The following SPOCK3 variants were observed in gnomAD, a reference collection of about 807,000 sequenced individuals.
The protein encoded by SPOCK3 is SPARC (osteonectin), cwcv and kazal like domains proteoglycan 3.
A neutral mutation model predicts 56.6 loss-of-function variants in SPOCK3; 30 were observed. The observed-to-expected ratio is 0.53, with a 90% confidence interval of 0.40 to 0.72. SPOCK3 has a LOEUF of 0.72. SPOCK3 is among the 30% of genes least tolerant of loss of function. The pLI is 0.00. For missense variants in SPOCK3, 527 were observed against 530.0 expected (o/e 0.99, Z 0.06); for synonymous variants, 196 against 183.3 (o/e 1.07, Z -0.56).
intron 5 of SPOCK3, 88 bp from the exon 6 acceptor site, chr4:166,889,332 T>A (rs186903935): frequency 1.3e-6 from 1 of 794,422 alleles, no homozygotes; most frequent in African/African-American, 1.8e-5. Flanking sequence ...AGGTAATTTT[T>A]GATGCATATA....
At chr4:167,113,918 G>A (rs1485328224) in intron 2 of SPOCK3, among the ~76,000 whole-genome samples, 2 of 152,130 alleles carry the variant, frequency 1.3e-5, no homozygotes, top group East Asian at 3.9e-4. Context: ...ATTCAGGAAG[G>A]GAGTGTGGCT....
intron 6 of SPOCK3, among the ~76,000 whole-genome samples, chr4:166,878,913 A>G (rs1299569000): frequency 6.6e-6 from 1 of 152,196 alleles, no homozygotes; most frequent in Non-Finnish European, 1.5e-5. Context: ...CTTTGTGAGG[A>G]CTAGATGAAA....
intron 3 of SPOCK3, among the ~76,000 whole-genome samples, chr4:167,052,869 T>A (rs1179150219): frequency 6.6e-6 from 1 of 152,178 alleles, no homozygotes; most frequent in South Asian, 2.1e-4. Flanking sequence ...TTAAGAAGTG[T>A]AATAATAGTG....
At chr4:166,867,283 G>C in intron 6 of SPOCK3, among the ~76,000 whole-genome samples, 1 of 151,794 alleles carries the variant, frequency 6.6e-6, no homozygotes, top group Admixed American at 6.6e-5. Flanking sequence ...ATAATTTCTC[G>C]GATAAAGTGA....
chr4:166,892,293 T>C (rs546687149), intron 5 of SPOCK3, among the ~76,000 whole-genome samples: 3 of 152,068 alleles, frequency 2.0e-5, no homozygotes, highest in African/African-American at 7.2e-5. Context: ...TTACTTTATA[T>C]GTGAAATGAT....
At chr4:166,904,498 T>A (rs1161738619) in intron 5 of SPOCK3, among the ~76,000 whole-genome samples, 2 of 152,064 alleles carry the variant, frequency 1.3e-5, no homozygotes, top group Non-Finnish European at 2.9e-5. Flanking sequence ...ACCTAGAAAC[T>A]TTTTGAGTAA....
At chr4:166,995,118 T>C (rs548225769) in intron 4 of SPOCK3, among the ~76,000 whole-genome samples, 18 of 152,156 alleles carry the variant, frequency 1.2e-4, no homozygotes, top group Middle Eastern at 6.8e-3. Flanking sequence ...AGTCTACCAA[T>C]TGAATAAATT....
At chr4:166,773,060 G>T (rs1184617187) in intron 7 of SPOCK3, among the ~76,000 whole-genome samples, 1 of 152,114 alleles carries the variant, frequency 6.6e-6, no homozygotes, top group Admixed American at 6.6e-5. Flanking sequence ...CCAAAGTGCT[G>T]GGACTACAGT....
intron 2 of SPOCK3, among the ~76,000 whole-genome samples, chr4:167,118,169 T>C (rs761544428): frequency 1.2e-4 from 18 of 152,134 alleles, no homozygotes; most frequent in Non-Finnish European, 2.4e-4. Context: ...CAATAATGTA[T>C]TGAATGTGAT....
chr4:166,869,001 A>G (rs1347266982), intron 6 of SPOCK3, among the ~76,000 whole-genome samples: 1 of 152,168 alleles, frequency 6.6e-6, no homozygotes, highest in Non-Finnish European at 1.5e-5. Context: ...TGCTAAGAAA[A>G]TCAATTAAAA....
intron 2 of SPOCK3, among the ~76,000 whole-genome samples, chr4:167,160,700 C>T (rs546997790): frequency 1.2e-4 from 19 of 152,114 alleles, no homozygotes; most frequent in African/African-American, 1.2e-4. Context: ...GAGATATAGA[C>T]CAATGGAACA....
intron 2 of SPOCK3, among the ~76,000 whole-genome samples, chr4:167,220,788 GC>G (rs1735835506): frequency 6.6e-6 from 1 of 152,066 alleles, no homozygotes; most frequent in Non-Finnish European, 1.5e-5. Context: ...ATATGCTGTT[GC>G]CAAATATAGT....
intron 3 of SPOCK3, among the ~76,000 whole-genome samples, chr4:167,042,790 A>G (rs927155423): frequency 6.6e-6 from 1 of 152,248 alleles, no homozygotes; most frequent in Admixed American, 6.5e-5. Context: ...AGAATAATCA[A>G]CCAAGTTTAC....
At chr4:167,157,925 A>C (rs1289508911) in intron 2 of SPOCK3, among the ~76,000 whole-genome samples, 2 of 151,988 alleles carry the variant, frequency 1.3e-5, no homozygotes, top group Non-Finnish European at 2.9e-5. Flanking sequence ...CCTATATGCA[A>C]GTCATTGTGG....
intron 2 of SPOCK3, among the ~76,000 whole-genome samples, chr4:167,120,069 C>T (rs1761741798): frequency 6.6e-6 from 1 of 151,964 alleles, no homozygotes; most frequent in Non-Finnish European, 1.5e-5. Context: ...GGGTCATAAA[C>T]AATGTACACA....
At chr4:166,936,501 G>A (rs1740422540) in intron 4 of SPOCK3, among the ~76,000 whole-genome samples, 1 of 151,958 alleles carries the variant, frequency 6.6e-6, no homozygotes. Flanking sequence ...ATCTATTACA[G>A]CAAAGTGGTT....
At chr4:167,005,772 G>T (rs936168330) in intron 3 of SPOCK3, among the ~76,000 whole-genome samples, 11 of 152,170 alleles carry the variant, frequency 7.2e-5, no homozygotes, top group Middle Eastern at 3.4e-3. Flanking sequence ...TGTTGTTGTT[G>T]TCGGGGACTT....
At chr4:167,085,165 T>C (rs547849163) in intron 2 of SPOCK3, among the ~76,000 whole-genome samples, 79 of 148,686 alleles carry the variant, frequency 5.3e-4, no homozygotes, top group African/African-American at 1.9e-3. Flanking sequence ...TGTCTGATAG[T>C]TGAATCTAGA....
chr4:167,105,810 C>T (rs910683343), intron 2 of SPOCK3, among the ~76,000 whole-genome samples: 1 of 151,546 alleles, frequency 6.6e-6, no homozygotes. Flanking sequence ...ATATTTCATG[C>T]CAATGGAAAC....
Sources: allele counts gnomAD v4.1 joint callset (sites outside exome capture counted in the v4.1 genomes callset), GRCh38; gene constraint gnomAD v4.1.1; transcripts MANE v1.5; gene names NCBI Gene and HGNC (gene_info 2026-07-23, HGNC 2026-07-21).